Variants in RIMS1 observed in about 807,000 individuals in gnomAD.
RIMS1 encodes regulating synaptic membrane exocytosis 1.
In RIMS1, 83 loss-of-function variants were observed where a neutral mutation model predicts 214.1. The ratio of observed to expected loss-of-function variants is 0.39; its 90% CI spans 0.32 to 0.47. The LOEUF is 0.47. RIMS1 is among the 20% of genes least tolerant of loss of function. The probability of loss-of-function intolerance (pLI) is 0.99; values close to 1 mark genes in which losing one functional copy is unlikely to be tolerated. For synonymous variants in RIMS1, 793 were observed against 786.8 expected (o/e 1.01, Z -0.13); for missense variants, 2,050 against 2,161.8 (o/e 0.95, Z 1.03).
intron 6 of RIMS1, among the ~76,000 whole-genome samples, chr6:72,218,901 C>G (rs774391695): frequency 1.1e-4 from 17 of 152,150 alleles, no homozygotes; most frequent in Non-Finnish European, 2.2e-4. Context: ...TTTGTCTGCT[C>G]AAGTCTCTTC....
Position 72,044,917 on chromosome 6 carries a change from G to A in RIMS1, c.246-52032G>A, listed in dbSNP as rs186142143. Among the ~76,000 whole-genome samples, 173 of 151,978 alleles carry A rather than the reference G, an allele frequency of 1.1e-3. 1 individual carries two copies. The highest frequency in any genetic ancestry group is 4.0e-3 in the African/African-American group (168 of 41,530). ...GATATATATGCCAATGTTCATAACA[G>A]TTTTATTCATAATAGCCACAATCTG... On this transcript the variant is annotated intron_variant, in intron 2 of 33. Transcript: ENST00000521978.
chr6:72,167,160 A>G (rs2046378875), intron 4 of RIMS1, among the ~76,000 whole-genome samples: 1 of 151,776 alleles, frequency 6.6e-6, no homozygotes. Flanking sequence ...GATTTTGTCA[A>G]TACTTTTTCT....
At chr6:72,393,360 A>G (rs2807522) in intron 31 of RIMS1, among the ~76,000 whole-genome samples, 31,808 of 152,166 alleles carry the variant, frequency 0.21, 3,540 homozygotes, top group South Asian at 0.29. Flanking sequence ...GGAATTTCAC[A>G]ATACTGAGGC....
intron 6 of RIMS1, among the ~76,000 whole-genome samples, chr6:72,188,766 T>C (rs1287669479): frequency 3.3e-5 from 5 of 152,236 alleles, no homozygotes; most frequent in African/African-American, 1.2e-4. Context: ...GTTTTCCATT[T>C]ACCTCAATCA....
At chr6:72,072,014 C>CA (rs1253006851) in intron 2 of RIMS1, among the ~76,000 whole-genome samples, 7 of 152,036 alleles carry the variant, frequency 4.6e-5, no homozygotes, top group Non-Finnish European at 7.4e-5. Context: ...ATGTTAAGCT[C>CA]AATATAAAAA....
Position 72,199,884 on chromosome 6 carries a change from G to A in RIMS1, c.1678+16735G>A, listed in dbSNP as rs367750862. Reference sequence around the variant, plus strand: ...AGACAAATTATTTTAAAATTAGGATGTTTTCCATTAGAACGACTAAGAAAA... The same window carrying A: ...AGACAAATTATTTTAAAATTAGGATATTTTCCATTAGAACGACTAAGAAAA... On this transcript the variant is annotated intron_variant, in intron 6 of 33. Transcript: ENST00000521978. Among the ~76,000 whole-genome samples, 26 of 152,094 alleles carry A rather than the reference G, an allele frequency of 1.7e-4. No homozygotes were observed. The South Asian group carries it at 3.3e-3, about 19-fold the overall frequency.
intron 1 of RIMS1, among the ~76,000 whole-genome samples, chr6:71,914,397 C>T (rs1270045270): frequency 6.6e-6 from 1 of 151,908 alleles, no homozygotes; most frequent in African/African-American, 2.4e-5. Flanking sequence ...AAAACTTGGC[C>T]ATAGAGTTTA....
chr6:72,036,345 T>C (rs1354509536), intron 2 of RIMS1, among the ~76,000 whole-genome samples: 4 of 152,174 alleles, frequency 2.6e-5, no homozygotes, highest in African/African-American at 9.7e-5. Flanking sequence ...GAATATCTAC[T>C]CTGGAAAATC....
intron 23 of RIMS1, among the ~76,000 whole-genome samples, chr6:72,278,932 A>G (rs909053710): frequency 1.3e-5 from 2 of 152,074 alleles, no homozygotes; most frequent in Admixed American, 6.5e-5. Context: ...AAGCCAAAAT[A>G]TAGACATATT....
At chr6:71,954,953 G>A (rs1790780589) in intron 1 of RIMS1, among the ~76,000 whole-genome samples, 1 of 151,124 alleles carries the variant, frequency 6.6e-6, no homozygotes, top group African/African-American at 2.4e-5. Context: ...CTATTCTTAG[G>A]CTTTATAAAA....
At chr6:72,183,587 C>G (rs1227832673) in intron 6 of RIMS1, among the ~76,000 whole-genome samples, 4 of 123,640 alleles carry the variant, frequency 3.2e-5, no homozygotes, top group Non-Finnish European at 5.1e-5. Context: ...TTTTTTCAAA[C>G]TTCAAATTAA....
chr6:72,339,440 C>T (rs957041173), intron 29 of RIMS1, among the ~76,000 whole-genome samples: 3 of 151,870 alleles, frequency 2.0e-5, no homozygotes, highest in Admixed American at 2.0e-4. Context: ...CCTATCCCCC[C>T]ACCCCACAAC....
chr6:72,355,667 C>T (rs948183374), intron 29 of RIMS1, among the ~76,000 whole-genome samples: 6 of 152,132 alleles, frequency 3.9e-5, no homozygotes, highest in Admixed American at 3.9e-4. Context: ...GATATTTCCA[C>T]CTCCTATTCT....
Position 72,179,765 on chromosome 6 carries a change from C to A in RIMS1, c.662C>A (p.Pro221His). 1 of 1,613,796 alleles carries A rather than the reference C, an allele frequency of 6.2e-7. No individual in the cohort carries two copies. Among genetic ancestry groups the A allele is most frequent in the South Asian group, 1.1e-5 (1 of 91,070 alleles). ...RLQERSRSQT[P>H]LSTAAASSQD... ...CAAGAGCGATCGCGGTCTCAGACAC[C>A]CCTAAGCACAGCAGCTGCCTCCTCC... The change falls in exon 5 of 34, where the codon CCC becomes CAC. Residue 221 changes from proline to histidine, a missense_variant. By Grantham distance (77) the Pro-to-His change is moderately conservative. Transcript: ENST00000521978.
intron 2 of RIMS1, among the ~76,000 whole-genome samples, chr6:71,989,333 C>T (rs148395656): frequency 0.015 from 2,313 of 152,276 alleles, 17 homozygotes; most frequent in South Asian, 0.05. Flanking sequence ...GCCTCAAGTT[C>T]CATAAACTCC....
intron 1 of RIMS1, among the ~76,000 whole-genome samples, chr6:71,964,386 T>C (rs1322202540): frequency 1.3e-5 from 2 of 152,196 alleles, no homozygotes; most frequent in East Asian, 3.9e-4. Flanking sequence ...ACTCTGGCTG[T>C]TGTGTTGAGA....
At chr6:72,251,512 C>A (rs1320389023) in intron 15 of RIMS1, 144 bp downstream of exon 15, 2 of 679,044 alleles carry the variant, frequency 2.9e-6, no homozygotes, top group African/African-American at 1.8e-5. Context: ...AGCAACTTGG[C>A]AAAACTGTTT....
intron 2 of RIMS1, among the ~76,000 whole-genome samples, chr6:72,026,118 C>T (rs1272349743): frequency 6.6e-6 from 1 of 152,132 alleles, no homozygotes; most frequent in Non-Finnish European, 1.5e-5. Flanking sequence ...GCAGAGAAGG[C>T]CTACATAGAG....
chr6:71,964,380 T>C (rs1355501032), intron 1 of RIMS1, among the ~76,000 whole-genome samples: 1 of 152,174 alleles, frequency 6.6e-6, no homozygotes, highest in African/African-American at 2.4e-5. Flanking sequence ...AGAGTCACTC[T>C]GGCTGTTGTG....
Sources: gnomAD v4.1 joint callset for allele counts (sites outside exome capture counted in the v4.1 genomes callset) on GRCh38, gnomAD v4.1.1 for gene constraint, MANE v1.5 for transcripts, NCBI Gene and HGNC (gene_info 2026-07-23, HGNC 2026-07-21) for gene names.